Variants in MICU1 observed in about 807,000 individuals in gnomAD.
MICU1 encodes the protein mitochondrial calcium uptake 1, also known as calcium uptake protein 1, mitochondrial.
MICU1 carries 45 observed loss-of-function variants against 56.8 expected under a neutral mutation model. The ratio of observed to expected loss-of-function variants is 0.79; its 90% confidence interval spans 0.62 to 1.02. MICU1 has a LOEUF of 1.02. Among genes scored for constraint, MICU1 ranks in the 50% least tolerant of loss-of-function variants. The pLI is 0.00. For missense variants in MICU1, 504 were observed against 587.1 expected, an observed-to-expected ratio of 0.86 and a Z score of 1.46; for synonymous variants, 186 against 195.1, an observed-to-expected ratio of 0.95 and a Z score of 0.39.
At chr10:72,475,972 A>G (rs956955116) in intron 7 of MICU1, 5 of 444,076 alleles carry the variant, frequency 1.1e-5, no homozygotes, top group East Asian at 1.4e-4. Flanking sequence ...CATGCCTATA[A>G]TCCCAGCACT....
intron 1 of MICU1, among the ~76,000 whole-genome samples, chr10:72,606,500 C>T (rs144687643): frequency 0.022 from 3,281 of 151,262 alleles, 120 homozygotes; most frequent in African/African-American, 0.076. Flanking sequence ...GCAACAAGAG[C>T]GAAATGATGT....
At chr10:72,603,630 C>G (rs1841605057) in intron 1 of MICU1, among the ~76,000 whole-genome samples, 1 of 152,038 alleles carries the variant, frequency 6.6e-6, no homozygotes, top group Non-Finnish European at 1.5e-5. Flanking sequence ...CATAGAGAAA[C>G]CCCGTCTCTA....
At chr10:72,564,732 A>C (rs1840384760) in intron 2 of MICU1, among the ~76,000 whole-genome samples, 1 of 152,088 alleles carries the variant, frequency 6.6e-6, no homozygotes, top group South Asian at 2.1e-4. Flanking sequence ...GAGGACTCAA[A>C]AGGAAAAAGT....
chr10:72,428,781 T>G (rs982857689), intron 8 of MICU1, among the ~76,000 whole-genome samples: 1 of 152,156 alleles, frequency 6.6e-6, no homozygotes, highest in African/African-American at 2.4e-5. Flanking sequence ...TATTACAAGA[T>G]AATAACAATC....
At chr10:72,377,126 CTTT>C (rs71018280) in intron 10 of MICU1, among the ~76,000 whole-genome samples, 1 of 148,352 alleles carries the variant, frequency 6.7e-6, no homozygotes, top group Admixed American at 6.7e-5. Flanking sequence ...GCGTATCTTT[CTTT>C]TTTTTTTTGA....
intron 6 of MICU1, among the ~76,000 whole-genome samples, chr10:72,478,745 CAT>C (rs1395135943): frequency 2.0e-5 from 3 of 152,170 alleles, no homozygotes; most frequent in African/African-American, 7.2e-5. Flanking sequence ...CTGGGTGAAT[CAT>C]GTGTGTGTCA....
chr10:72,576,432 G>A lies in MICU1; in HGVS notation c.-1-9638C>T, dbSNP rs186217359. Among the ~76,000 whole-genome samples, 10 of 152,254 alleles carry A rather than the reference G, an allele frequency of 6.6e-5. No individual in the cohort carries two copies. The East Asian group carries it at 1.9e-3, about 29-fold the overall frequency. On this transcript the variant is annotated intron_variant, in intron 1 of 11. Transcript: ENST00000361114. ...TGCTGATGTGAGGCAGATTTTAGTG[G>A]TCTAGACAGAAGATCAAATCAGCCA...
intron 3 of MICU1, among the ~76,000 whole-genome samples, chr10:72,561,189 CAGAT>C (rs1399515931): frequency 2.0e-5 from 3 of 152,176 alleles, no homozygotes; most frequent in African/African-American, 4.8e-5. Context: ...GTAAATCACA[CAGAT>C]AGCTTTAATT....
chr10:72,616,587 A>T (rs3009530), intron 1 of MICU1, among the ~76,000 whole-genome samples: 64,567 of 140,544 alleles, frequency 0.46, 17,716 homozygotes, highest in Non-Finnish European at 0.65. Flanking sequence ...AACTCCATCT[A>T]AAAAAAAAAA....
intron 4 of MICU1, among the ~76,000 whole-genome samples, chr10:72,546,465 T>G (rs1839895838): frequency 6.6e-6 from 1 of 152,190 alleles, no homozygotes; most frequent in African/African-American, 2.4e-5. Context: ...TGTATCTTAC[T>G]TCCATTTTCT....
chr10:72,429,860 A>G (rs1048063323), intron 8 of MICU1, among the ~76,000 whole-genome samples: 5 of 152,238 alleles, frequency 3.3e-5, no homozygotes, highest in African/African-American at 9.6e-5. Flanking sequence ...GCAATGCTAT[A>G]TAATAGGTAA....
chr10:72,609,053 G>A (rs1036172619), intron 1 of MICU1, among the ~76,000 whole-genome samples: 1 of 152,154 alleles, frequency 6.6e-6, no homozygotes, highest in Non-Finnish European at 1.5e-5. Context: ...ATACACAATG[G>A]AATATTATTC....
intron 5 of MICU1, 60 bp downstream of exon 5, chr10:72,533,686 C>T (rs1444974052): frequency 7.9e-7 from 1 of 1,272,912 alleles, no homozygotes; most frequent in South Asian, 1.4e-5. Context: ...TATAGAGGAA[C>T]TTAAAAATCT....
chr10:72,569,232 TATATA>T (rs1274346283), intron 1 of MICU1, among the ~76,000 whole-genome samples: 46 of 55,292 alleles, frequency 8.3e-4, no homozygotes, highest in South Asian at 2.1e-3. Context: ...TATATATATA[TATATA>T]TTTTTTTTTT....
chr10:72,428,100 G>T (rs1384856156), intron 8 of MICU1, among the ~76,000 whole-genome samples: 1 of 152,130 alleles, frequency 6.6e-6, no homozygotes, highest in Middle Eastern at 3.2e-3. Flanking sequence ...GAATTTTCTT[G>T]ATCTTTAAAG....
At chr10:72,586,001 CT>C (rs1431354386) in intron 1 of MICU1, among the ~76,000 whole-genome samples, 29 of 101,988 alleles carry the variant, frequency 2.8e-4, no homozygotes, top group African/African-American at 4.7e-4. Context: ...TTTATTTTTT[CT>C]TTTTTTTTTT....
intron 6 of MICU1, among the ~76,000 whole-genome samples, chr10:72,479,905 C>G (rs1280519371): frequency 6.6e-6 from 1 of 152,172 alleles, no homozygotes; most frequent in Non-Finnish European, 1.5e-5. Flanking sequence ...CTTATTTTGT[C>G]ACACTTGGCC....
intron 10 of MICU1, among the ~76,000 whole-genome samples, chr10:72,407,019 T>C (rs2132101783): frequency 6.6e-6 from 1 of 152,304 alleles, no homozygotes; most frequent in Non-Finnish European, 1.5e-5. Context: ...AGTGAAACCT[T>C]AGACGAGTGT....
intron 3 of MICU1, among the ~76,000 whole-genome samples, chr10:72,556,139 C>T (rs1483784305): frequency 1.3e-5 from 2 of 152,276 alleles, no homozygotes; most frequent in Non-Finnish European, 2.9e-5. Context: ...ATAACCTAAT[C>T]TGTAACCTAA....
Sources: gnomAD v4.1 joint callset for allele counts (sites outside exome capture counted in the v4.1 genomes callset) on GRCh38, gnomAD v4.1.1 for gene constraint, MANE v1.5 for transcripts, NCBI Gene and HGNC (gene_info 2026-07-23, HGNC 2026-07-21) for gene names.